Variants in MLLT10 observed in about 807,000 individuals in gnomAD.
MLLT10 encodes the protein protein AF-10.
In MLLT10, 30 loss-of-function variants were observed where a neutral mutation model predicts 129.1. The observed-to-expected ratio is 0.23, with a 90% CI of 0.17 to 0.32. The LOEUF is 0.32. Among genes scored for constraint, MLLT10 ranks in the 10% least tolerant of loss-of-function variants. MLLT10 has a pLI of 1.00. For missense variants in MLLT10, 1,119 were observed against 1,268.3 expected (o/e 0.88, Z 1.79); for synonymous variants, 490 against 446.4 (o/e 1.10, Z -1.23).
intron 22 of MLLT10, among the ~76,000 whole-genome samples, chr10:21,741,071 T>C (rs1396416656): frequency 6.6e-6 from 1 of 152,216 alleles, no homozygotes; most frequent in Non-Finnish European, 1.5e-5. Flanking sequence ...TACTGTGCTT[T>C]TAGTCTTCAG....
chr10:21,659,389 C>T (rs2049938711), intron 9 of MLLT10, among the ~76,000 whole-genome samples: 1 of 151,936 alleles, frequency 6.6e-6, no homozygotes, highest in Non-Finnish European at 1.5e-5. Context: ...TGTAGAGAAA[C>T]AGAAACCTAG....
Position 21,643,120 on chromosome 10 carries a change from C to T in MLLT10, c.700-8553C>T, listed in dbSNP as rs541009459. ...CAATCTCGGCTCACTGCAACCTCTG[C>T]CTCTCCAGTTCAAGCGATTCTCCTG... On this transcript the variant is annotated intron_variant, in intron 8 of 22. Transcript: ENST00000307729. 5.8e-3 allele frequency among the ~76,000 whole-genome samples: 880 copies of T among 152,198 alleles called. 4 individuals carry two copies. The highest frequency in any genetic ancestry group is 8.4e-3 in the Non-Finnish European group (573 of 68,016).
intron 3 of MLLT10, among the ~76,000 whole-genome samples, chr10:21,562,663 T>G (rs1257492811): frequency 2.6e-5 from 4 of 151,508 alleles, no homozygotes; most frequent in African/African-American, 4.9e-5. Flanking sequence ...AGTAGTAAAA[T>G]CTTAGCAACA....
intron 3 of MLLT10, among the ~76,000 whole-genome samples, chr10:21,573,434 A>G (rs2040414290): frequency 6.6e-6 from 1 of 152,214 alleles, no homozygotes; most frequent in African/African-American, 2.4e-5. Context: ...ACAGCTGAGT[A>G]GCTTCCTGAG....
chr10:21,684,332 C>G (rs1485163802), intron 13 of MLLT10, among the ~76,000 whole-genome samples: 1 of 152,164 alleles, frequency 6.6e-6, no homozygotes, highest in African/African-American at 2.4e-5. Flanking sequence ...ACCTGTGCTT[C>G]TTAGCTTCCC....
At chr10:21,573,066 C>T (rs1222865027) in intron 3 of MLLT10, among the ~76,000 whole-genome samples, 2 of 151,962 alleles carry the variant, frequency 1.3e-5, no homozygotes, top group Non-Finnish European at 2.9e-5. Flanking sequence ...TTACTTAAGT[C>T]ATATTAATTC....
chr10:21,625,822 C>T (rs1246845537), intron 8 of MLLT10: 2 of 771,828 alleles, frequency 2.6e-6, no homozygotes, highest in African/African-American at 1.7e-5. Flanking sequence ...TAAATGCCTA[C>T]CCTCTATTCT....
At chr10:21,576,566 T>C (rs1210233568) in intron 3 of MLLT10, among the ~76,000 whole-genome samples, 1 of 151,432 alleles carries the variant, frequency 6.6e-6, no homozygotes, top group African/African-American at 2.4e-5. Context: ...CCTGTTTGTG[T>C]CTTCACTTAA....
intron 9 of MLLT10, among the ~76,000 whole-genome samples, chr10:21,663,531 C>T (rs2050431333): frequency 1.3e-5 from 2 of 151,834 alleles, no homozygotes; most frequent in African/African-American, 4.8e-5. Flanking sequence ...CATGTGCCAC[C>T]ATGCCCAGCT....
chr10:21,615,286 C>T (rs927761873), intron 7 of MLLT10, among the ~76,000 whole-genome samples: 7 of 151,408 alleles, frequency 4.6e-5, no homozygotes, highest in Non-Finnish European at 8.8e-5. Context: ...GGGGAAACCT[C>T]GTCTCTATTA....
At chr10:21,708,034 A>T (rs2055698539) in intron 13 of MLLT10, among the ~76,000 whole-genome samples, 1 of 152,034 alleles carries the variant, frequency 6.6e-6, no homozygotes, top group East Asian at 1.9e-4. Context: ...ATTTATATTC[A>T]TGTATTTGTT....
intron 13 of MLLT10, among the ~76,000 whole-genome samples, chr10:21,702,560 C>T (rs1353264087): frequency 6.6e-6 from 1 of 152,076 alleles, no homozygotes; most frequent in African/African-American, 2.4e-5. Flanking sequence ...TGGAGTTTAT[C>T]CCTCTCTTTA....
At chr10:21,653,089 A>G (rs971978022) in intron 9 of MLLT10, among the ~76,000 whole-genome samples, 2 of 152,302 alleles carry the variant, frequency 1.3e-5, no homozygotes, top group African/African-American at 4.8e-5. Context: ...TTTCTATTGC[A>G]GTTGAAATTA....
intron 13 of MLLT10, among the ~76,000 whole-genome samples, chr10:21,697,099 C>CTAAAAAAAA (rs2054442101): frequency 1.2e-5 from 1 of 82,666 alleles, no homozygotes; most frequent in African/African-American, 4.8e-5. Flanking sequence ...CTGATTTAAG[C>CTAAAAAAAA]AAAAAAAAAA....
At chr10:21,715,869 TAC>T (rs1323738085) in intron 14 of MLLT10, among the ~76,000 whole-genome samples, 1 of 152,260 alleles carries the variant, frequency 6.6e-6, no homozygotes, top group Non-Finnish European at 1.5e-5. Context: ...ATGGGTCTCT[TAC>T]AAATGTGATC....
At position 21,740,266 on chromosome 10, in the gene MLLT10, G is replaced by GAAAC. The variant is rs1468588778; in HGVS notation, c.3162+33_3162+36dup. On this transcript the variant is annotated intron_variant, in intron 22 of 22. Transcript: ENST00000307729. The stretch of plus-strand genomic sequence containing the variant: ...GTATATTTTCCTTACTACATCTAAT[G>GAAAC]AAACAAGAACTGTATTGATTAATCG... 1.9e-6 allele frequency: 3 copies of GAAAC among 1,599,640 alleles called. No individual in the cohort carries two copies. In the African/African-American group the frequency reaches 4.0e-5, roughly 21 times the overall value.
At chr10:21,592,775 GT>G (rs2042635853) in intron 4 of MLLT10, among the ~76,000 whole-genome samples, 1 of 151,990 alleles carries the variant, frequency 6.6e-6, no homozygotes, top group Non-Finnish European at 1.5e-5. Context: ...GTTTTCTGTA[GT>G]TTTATTGTCT....
chr10:21,572,965 A>G (rs1476300146), intron 3 of MLLT10, among the ~76,000 whole-genome samples: 2 of 152,118 alleles, frequency 1.3e-5, no homozygotes, highest in Non-Finnish European at 2.9e-5. Context: ...AAAATATTAA[A>G]TACATTTTTT....
chr10:21,533,958 G>A (rs919766683), upstream of MLLT10, among the ~76,000 whole-genome samples: 4 of 151,884 alleles, frequency 2.6e-5, no homozygotes, highest in South Asian at 2.1e-4. Context: ...GCCTCTTCCC[G>A]ACGCTCACAC....
Sources: allele counts gnomAD v4.1 joint callset (sites outside exome capture counted in the v4.1 genomes callset), GRCh38; gene constraint gnomAD v4.1.1; transcripts MANE v1.5; gene names NCBI Gene and HGNC (gene_info 2026-07-23, HGNC 2026-07-21).